PWP1: variants seen among roughly 807,000 people sequenced by gnomAD.
PWP1 encodes the protein PWP1 homolog, endonuclein, also known as periodic tryptophan protein 1 homolog.
In PWP1, 47 loss-of-function variants were observed where a neutral mutation model predicts 69.9. The ratio of observed to expected loss-of-function variants is 0.67; its 90% CI spans 0.53 to 0.86. The LOEUF (loss-of-function observed/expected upper bound fraction) is 0.86. Among genes scored for constraint, PWP1 ranks in the 40% least tolerant of loss-of-function variants. PWP1 has a pLI of 0.00. For synonymous variants in PWP1, 222 were observed against 208.2 expected (o/e 1.07, Z -0.57); for missense variants, 551 against 608.8 (o/e 0.91, Z 1.00).
At position 107,688,460 on chromosome 12, in the gene PWP1, AAAG is replaced by A. The variant is rs754018834; in HGVS notation, c.92_94del (p.Glu31del). On this transcript the variant is annotated inframe_deletion, in exon 2 of 15. Coordinates refer to ENST00000412830, the MANE Select transcript of PWP1 (RefSeq NM_007062.3). ...TGCTCTCTTACAGGTAGAGCTGAGT[AAAG>A]AAGAAGTAAAACGCCTCATTGCTGA... 57 of 1,613,782 alleles carry A rather than the reference AAAG, an allele frequency of 3.5e-5. No homozygotes were observed. The highest frequency in any genetic ancestry group is 1.1e-4 in the African/African-American group (8 of 74,918).
chr12:107,689,193 G>T (rs949737779), intron 3 of PWP1, among the ~76,000 whole-genome samples: 1 of 152,030 alleles, frequency 6.6e-6, no homozygotes, highest in South Asian at 2.1e-4. Flanking sequence ...TGCTTTCTTC[G>T]GTTTCAGTTA....
At chr12:107,700,729 T>G (rs1224984220) in intron 8 of PWP1, among the ~76,000 whole-genome samples, 2 of 152,198 alleles carry the variant, frequency 1.3e-5, no homozygotes, top group Non-Finnish European at 2.9e-5. Context: ...ATTTTTAATT[T>G]TTTGAGGAGC....
Position 107,712,121 on chromosome 12 carries a change from A to G in PWP1, c.1407A>G (p.Ala469=). ...DISTVSSVNE[A]FGRRERLVLG... is the part of the protein sequence containing the mutation. ...TTATTTGTATTTTAGTAAATGAAGC[A>G]TTTGGAAGACGAGAGAGGCTTGTTC... The change falls in exon 15 of 15, where the codon GCA becomes GCG. Residue 469 remains alanine, a synonymous_variant. Coordinates refer to ENST00000412830, the MANE Select transcript of PWP1 (RefSeq NM_007062.3). 6.2e-7 allele frequency: 1 copy of G among 1,613,784 alleles called. No individual in the cohort carries two copies. Among genetic ancestry groups the G allele is most frequent in the Non-Finnish European group, 8.5e-7 (1 of 1,179,726 alleles).
rs1889418904 is a variant in PWP1, at chr12:107,688,506, AG to A, written c.131+1del. On this transcript the variant is annotated splice_donor_variant, in intron 2 of 14. Coordinates refer to ENST00000412830, the MANE Select transcript of PWP1 (RefSeq NM_007062.3). LOFTEE classifies it high-confidence loss of function. ...ATTGCTGAGGCAAAGGAGAAATTGC[AG>A]TAAGTTTAGGACCAGATGAAATCTA... The A allele has an allele frequency of 6.2e-7, 1 of 1,613,964 alleles. No individual in the cohort carries two copies. The highest frequency in any genetic ancestry group is 1.1e-5 in the South Asian group (1 of 91,048).
Position 107,695,969 on chromosome 12 carries a change from T to A in PWP1, c.503-505T>A, listed in dbSNP as rs184440049. The stretch of plus-strand genomic sequence containing the variant: ...AGTGTTCATTTTCTCCTGTGGGGTA[T>A]GCCACAAGATGGCACTGTATTAGAC... On this transcript the variant is annotated intron_variant, in intron 5 of 14. Transcript: ENST00000412830. Among the ~76,000 whole-genome samples, 6 of 151,538 alleles carry A rather than the reference T, an allele frequency of 4.0e-5. No homozygotes were observed. In the East Asian group the frequency reaches 9.7e-4, roughly 24 times the overall value.
intron 11 of PWP1, among the ~76,000 whole-genome samples, chr12:107,705,726 G>T (rs1343974505): frequency 6.6e-6 from 1 of 152,050 alleles, no homozygotes. Context: ...TGGCTGCATA[G>T]TATTCCATGG....
intron 1 of PWP1, among the ~76,000 whole-genome samples, chr12:107,688,212 C>G (rs996494922): frequency 1.3e-5 from 2 of 151,952 alleles, no homozygotes; most frequent in African/African-American, 4.8e-5. Flanking sequence ...AGTTTTAAGA[C>G]TAAGAGGTGG....
chr12:107,707,455 G>A (rs1889845740), intron 11 of PWP1, among the ~76,000 whole-genome samples: 2 of 152,168 alleles, frequency 1.3e-5, no homozygotes, highest in Admixed American at 6.5e-5. Flanking sequence ...TGGTGAGAGA[G>A]GGCATCCCTG....
intron 11 of PWP1, among the ~76,000 whole-genome samples, chr12:107,707,489 G>A (rs370079515): frequency 6.6e-6 from 1 of 152,124 alleles, no homozygotes; most frequent in Non-Finnish European, 1.5e-5. Context: ...TTCAAAGGGA[G>A]TGCTTCCAGT....
rs1334081585 is a variant in PWP1 at position 107,699,490 on chromosome 12, C to T, written c.806+56C>T. 7 of 1,373,448 alleles carry T rather than the reference C, an allele frequency of 5.1e-6. No homozygotes were observed. The African/African-American group carries it at 7.2e-5, about 14-fold the overall frequency. The allele number at this position is 1,373,448 out of a possible 1,614,324, so 85.1% of individuals were successfully genotyped here. A position where few individuals can be genotyped will look rare whatever the true frequency, so the allele number is the denominator to read the frequency against. ...AAAGACTGTAGCCATTGTGATCTTA[C>T]CTCATGCCTACACTCATCTCTTTAT... On this transcript the variant is annotated intron_variant, in intron 8 of 14. Transcript: ENST00000412830.
intron 8 of PWP1, among the ~76,000 whole-genome samples, chr12:107,702,054 G>T (rs1406503742): frequency 6.6e-6 from 1 of 152,140 alleles, no homozygotes; most frequent in Non-Finnish European, 1.5e-5. Flanking sequence ...GACTATAAAT[G>T]TTTATTTCTG....
At position 107,712,433 on chromosome 12, in the gene PWP1, T is replaced by TAAA. The variant is rs1287821414; in HGVS notation, c.*217_*219dup. On this transcript the variant is annotated 3_prime_UTR_variant, in exon 15 of 15. Coordinates refer to ENST00000412830, the MANE Select transcript of PWP1 (RefSeq NM_007062.3). ...TTTGTAAGGCTCTTGTTGCATTTCT[T>TAAA]AAAAAAGAGTAATAAAAAGGATTTT... 4.9e-6 allele frequency: 2 copies of TAAA among 409,810 alleles called. No homozygotes were observed. Among genetic ancestry groups the TAAA allele is most frequent in the African/African-American group, 4.0e-5 (2 of 49,438 alleles). 25.4% of individuals were successfully genotyped at this position (409,810 alleles called of 1,614,324 possible).
intron 11 of PWP1, among the ~76,000 whole-genome samples, chr12:107,705,991 T>C (rs1889816052): frequency 6.6e-6 from 1 of 152,246 alleles, no homozygotes; most frequent in African/African-American, 2.4e-5. Flanking sequence ...TCCACAATGG[T>C]TGAACTAGTT....
chr12:107,697,890 C>T (rs1889623836), intron 7 of PWP1: 3 of 454,560 alleles, frequency 6.6e-6, no homozygotes, highest in Non-Finnish European at 1.3e-5. Flanking sequence ...TTATGAGCCT[C>T]CTCCAAATAC....
intron 3 of PWP1, among the ~76,000 whole-genome samples, chr12:107,690,134 G>A (rs1041429097): frequency 6.6e-6 from 1 of 152,094 alleles, no homozygotes; most frequent in Non-Finnish European, 1.5e-5. Context: ...GTAGATGATC[G>A]GAAACAAAAA....
intron 6 of PWP1, 136 bp downstream of exon 6, chr12:107,696,720 TTA>T: frequency 1.4e-6 from 2 of 1,394,820 alleles, no homozygotes; most frequent in Admixed American, 2.6e-5. Context: ...TTTTATGAAG[TTA>T]TAGAGTTCTT....
intron 11 of PWP1, among the ~76,000 whole-genome samples, chr12:107,705,334 T>TG (rs553230777): frequency 2.2e-4 from 34 of 152,060 alleles, no homozygotes; most frequent in African/African-American, 8.2e-4. Context: ...CCAGTTTTCC[T>TG]GAAGTAAATA....
At chr12:107,694,947 A>G (rs562086774) in intron 5 of PWP1, among the ~76,000 whole-genome samples, 1 of 152,226 alleles carries the variant, frequency 6.6e-6, no homozygotes, top group South Asian at 2.1e-4. Context: ...CGTGGTTAAG[A>G]GTATATTTTA....
At chr12:107,710,548 C>G in intron 14 of PWP1, 38 bp downstream of exon 14, 1 of 1,384,088 alleles carries the variant, frequency 7.2e-7, no homozygotes, top group South Asian at 1.4e-5. Context: ...TCCCCCTGCC[C>G]CTGTAAAAAA....
Sources: gnomAD v4.1 joint callset for allele counts (sites outside exome capture counted in the v4.1 genomes callset) on GRCh38, gnomAD v4.1.1 for gene constraint, MANE v1.5 for transcripts, NCBI Gene and HGNC (gene_info 2026-07-23, HGNC 2026-07-21) for gene names.